The following TTC27 variants were observed in gnomAD, a reference collection of about 807,000 sequenced individuals.
TTC27 encodes the protein tetratricopeptide repeat domain 27, also known as tetratricopeptide repeat protein 27.
In TTC27, 79 loss-of-function variants were observed where a neutral mutation model predicts 115.9. The ratio of observed to expected loss-of-function variants is 0.68; its 90% CI spans 0.57 to 0.82. TTC27 has a LOEUF of 0.82. Ranked by LOEUF, TTC27 falls within the 40% of genes least tolerant of loss-of-function variation. TTC27 has a pLI of 0.00. For synonymous variants in TTC27, 401 were observed against 356.0 expected (o/e 1.13, Z -1.42); for missense variants, 1,054 against 993.1 (o/e 1.06, Z -0.82).
At chr2:32,650,795 A>T in intron 5 of TTC27, among the ~76,000 whole-genome samples, 1 of 152,220 alleles carries the variant, frequency 6.6e-6, no homozygotes, top group East Asian at 1.9e-4. Flanking sequence ...TTTGTAACAT[A>T]TAATATACAT....
intron 7 of TTC27, among the ~76,000 whole-genome samples, chr2:32,667,851 C>G (rs1256114422): frequency 6.7e-6 from 1 of 148,328 alleles, no homozygotes; most frequent in Non-Finnish European, 1.5e-5. Context: ...GTCAGGAGTT[C>G]GAGCCCAGTC....
chr2:32,774,929 C>A (rs1239327437), intron 13 of TTC27, among the ~76,000 whole-genome samples: 3 of 151,974 alleles, frequency 2.0e-5, no homozygotes, highest in African/African-American at 4.8e-5. Context: ...GCAAAAATAA[C>A]CAAGAGTAAA....
intron 9 of TTC27, among the ~76,000 whole-genome samples, chr2:32,684,079 AC>A (rs1666541326): frequency 6.6e-6 from 1 of 151,886 alleles, no homozygotes; most frequent in African/African-American, 2.4e-5. Context: ...AATTGCTTGA[AC>A]CCGGGAGGCG....
intron 12 of TTC27, 53 bp from the exon 13 acceptor site, chr2:32,758,239 A>T (rs1242676958): frequency 6.5e-7 from 1 of 1,533,278 alleles, no homozygotes; most frequent in South Asian, 1.2e-5. Flanking sequence ...TGCTAAAAAA[A>T]AAAATAGCAG....
At chr2:32,683,358 T>G (rs1666509923) in intron 9 of TTC27, among the ~76,000 whole-genome samples, 1 of 152,092 alleles carries the variant, frequency 6.6e-6, no homozygotes, top group Non-Finnish European at 1.5e-5. Context: ...GGTTATTTGG[T>G]GTTTGGTAAA....
intron 5 of TTC27, among the ~76,000 whole-genome samples, chr2:32,662,435 T>C (rs1572488643): frequency 6.6e-6 from 1 of 152,324 alleles, no homozygotes; most frequent in East Asian, 1.9e-4. Flanking sequence ...AATTACTGCC[T>C]CAATTTCAGA....
chr2:32,735,723 A>G (rs1668432261), intron 11 of TTC27, among the ~76,000 whole-genome samples: 1 of 152,190 alleles, frequency 6.6e-6, no homozygotes, highest in African/African-American at 2.4e-5. Context: ...AAATGAAGAT[A>G]TTGTACTGCT....
chr2:32,802,533 G>C (rs1431828284), intron 16 of TTC27, among the ~76,000 whole-genome samples: 1 of 152,098 alleles, frequency 6.6e-6, no homozygotes, highest in East Asian at 1.9e-4. Flanking sequence ...CACCATTGCA[G>C]TTTTATCTCC....
chr2:32,664,554 A>AT, intron 6 of TTC27, 87 bp downstream of exon 6: 1 of 1,141,346 alleles, frequency 8.8e-7, no homozygotes, highest in Non-Finnish European at 1.2e-6. Flanking sequence ...TTGGTATTAG[A>AT]TTTTCTATAT....
Position 32,817,453 on chromosome 2 carries a change from C to G in TTC27, c.2309-4C>G. ...GGATGTTTCTCTCCATACTTATCTT[C>G]CAGTGGCCATAAAATGCAGTAAAAA... On this transcript the variant is annotated splice_polypyrimidine_tract_variant and splice_region_variant and intron_variant, in intron 18 of 19. Transcript: ENST00000317907. 2 of 1,612,222 alleles carry G rather than the reference C, an allele frequency of 1.2e-6. No individual in the cohort carries two copies. The highest frequency in any genetic ancestry group is 1.7e-6 in the Non-Finnish European group (2 of 1,178,384).
chr2:32,636,263 G>A (rs928458982), intron 3 of TTC27, among the ~76,000 whole-genome samples: 1 of 152,140 alleles, frequency 6.6e-6, no homozygotes, highest in African/African-American at 2.4e-5. Context: ...GCCCAGGCTG[G>A]AGTGCAGTGG....
At chr2:32,702,020 A>AAAACAC (rs1553553241) in intron 9 of TTC27, among the ~76,000 whole-genome samples, 9 of 145,492 alleles carry the variant, frequency 6.2e-5, no homozygotes, top group African/African-American at 2.0e-4. Context: ...CAAAAAAAAA[A>AAAACAC]AAAAACAAAA....
intron 12 of TTC27, among the ~76,000 whole-genome samples, chr2:32,748,759 C>G (rs1023094035): frequency 6.7e-6 from 1 of 149,702 alleles, no homozygotes; most frequent in African/African-American, 2.5e-5. Flanking sequence ...GTGATCTCGG[C>G]TCACTGCAGC....
intron 13 of TTC27, among the ~76,000 whole-genome samples, chr2:32,768,949 T>G (rs1193597800): frequency 1.4e-4 from 22 of 152,176 alleles, no homozygotes; most frequent in Admixed American, 1.4e-3. Flanking sequence ...TGGTTTTGGA[T>G]GTTGAATATG....
chr2:32,674,805 G>T (rs768374843), intron 8 of TTC27, among the ~76,000 whole-genome samples: 1 of 151,864 alleles, frequency 6.6e-6, no homozygotes, highest in Non-Finnish European at 1.5e-5. Context: ...GACTACAGGC[G>T]CCCACCACCA....
rs1303832417 is a variant in TTC27, at chr2:32,769,826, A to G, written c.1681-8056A>G. Among the ~76,000 whole-genome samples the G allele has an allele frequency of 9.8e-5, 15 of 152,340 alleles. 1 individual carries two copies. Among genetic ancestry groups the G allele is most frequent in the African/African-American group, 3.4e-4 (14 of 41,572 alleles). ...GAGGTATTGAGGGGGATACAGGAGA[A>G]TTGTGTTAAGACACAGACTCCTGCC... On this transcript the variant is annotated intron_variant, in intron 13 of 19. Coordinates refer to ENST00000317907, the MANE Select transcript of TTC27 (RefSeq NM_017735.5).
chr2:32,668,209 A>C (rs961243236), intron 7 of TTC27, among the ~76,000 whole-genome samples: 1 of 151,546 alleles, frequency 6.6e-6, no homozygotes. Flanking sequence ...GAAAATAAAC[A>C]AAAAAACAAA....
intron 12 of TTC27, among the ~76,000 whole-genome samples, chr2:32,754,733 G>A (rs1270552191): frequency 2.6e-4 from 39 of 151,450 alleles, no homozygotes; most frequent in African/African-American, 7.5e-4. Flanking sequence ...GGGCAGAGGC[G>A]TCTCTCACCT....
At chr2:32,763,780 C>T (rs1276977021) in intron 13 of TTC27, among the ~76,000 whole-genome samples, 1 of 152,180 alleles carries the variant, frequency 6.6e-6, no homozygotes, top group Non-Finnish European at 1.5e-5. Flanking sequence ...AGCTATTGTT[C>T]ACTTATACCC....
Sources: allele counts gnomAD v4.1 joint callset (sites outside exome capture counted in the v4.1 genomes callset), GRCh38; gene constraint gnomAD v4.1.1; transcripts MANE v1.5; gene names NCBI Gene and HGNC (gene_info 2026-07-23, HGNC 2026-07-21).